The following RC3H2 variants were observed in gnomAD, a reference collection of about 807,000 sequenced individuals.
RC3H2 encodes ring finger and CCCH-type domains 2, also known as roquin-2.
In RC3H2, 31 loss-of-function variants were observed where a neutral mutation model predicts 133.3. The observed-to-expected ratio is 0.23, with a 90% CI of 0.17 to 0.31. The LOEUF (loss-of-function observed/expected upper bound fraction) is 0.31. Ranked by LOEUF, RC3H2 falls within the 10% of genes least tolerant of loss-of-function variation. RC3H2 has a pLI of 1.00. For synonymous variants in RC3H2, 517 were observed against 502.2 expected (o/e 1.03, Z -0.40); for missense variants, 1,175 against 1,437.2 (o/e 0.82, Z 2.95).
In RC3H2 at chr9:122,855,167, T is replaced by G. The variant is rs959636709; in HGVS notation, c.2815+17A>C. On this transcript the variant is annotated intron_variant, in intron 15 of 20. Transcript: ENST00000357244. ...TGCTTAGAACATATCAGGCTAGGTA[T>G]TATCTAAATGGATTACCTGATACAC... 7 of 1,576,470 alleles carry G rather than the reference T, an allele frequency of 4.4e-6. No individual in the cohort carries two copies. The highest frequency in any genetic ancestry group is 6.1e-6 in the Non-Finnish European group (7 of 1,146,588).
At chr9:122,875,358 G>A (rs1446332638) in intron 9 of RC3H2, 18 of 1,550,088 alleles carry the variant, frequency 1.2e-5, no homozygotes, top group Middle Eastern at 3.3e-4. Flanking sequence ...TATAGTCCAC[G>A]GGGGTTACAC....
At position 122,851,224 on chromosome 9, in the gene RC3H2, G is replaced by T. The variant is rs1253094139; in HGVS notation, c.3237C>A (p.Ile1079=). 6 of 1,613,868 alleles carry T rather than the reference G, an allele frequency of 3.7e-6. No individual in the cohort carries two copies. Among genetic ancestry groups the T allele is most frequent in the Non-Finnish European group, 5.1e-6 (6 of 1,179,840 alleles). ...AACTGATACCAAGCTGTATGTCCAAGATCTCCTAAGAAAATAAAATGTTAA... is the reference window on the plus strand; with the variant it reads ...AACTGATACCAAGCTGTATGTCCAATATCTCCTAAGAAAATAAAATGTTAA... ...PDGQSEPIEE[I]LDIQLGISSQ... Residue 1079 remains isoleucine (I), a synonymous_variant, in exon 20 of 21, where the codon ATC becomes ATA. Coordinates refer to ENST00000357244, the MANE Select transcript of RC3H2 (RefSeq NM_001100588.3).
intron 2 of RC3H2, among the ~76,000 whole-genome samples, chr9:122,895,263 G>C (rs1832370470): frequency 6.6e-6 from 1 of 151,344 alleles, no homozygotes; most frequent in Non-Finnish European, 1.5e-5. Context: ...GGGCTCAAGT[G>C]AACCTCCCAT....
chr9:122,851,009 A>G, intron 20 of RC3H2, 72 bp downstream of exon 20: 1 of 1,555,124 alleles, frequency 6.4e-7, no homozygotes, highest in Non-Finnish European at 8.8e-7. Context: ...AAAGCCAAAA[A>G]TTAATTTCGC....
chr9:122,866,810 C>T (rs1000001891), intron 9 of RC3H2, among the ~76,000 whole-genome samples: 1 of 152,196 alleles, frequency 6.6e-6, no homozygotes, highest in African/African-American at 2.4e-5. Context: ...AGATTGCAGC[C>T]TATGCCCGGC....
chr9:122,851,930 A>G (rs1324320053), intron 18 of RC3H2, among the ~76,000 whole-genome samples: 10 of 147,102 alleles, frequency 6.8e-5, no homozygotes, highest in South Asian at 2.2e-4. Context: ...CCGTCTGGGA[A>G]GTGAGGAGCG....
chr9:122,871,509 G>C lies in RC3H2; in HGVS notation c.1326-5852C>G, dbSNP rs867469110. ...AGACGGGGTTTCACCGTGTTAGTGGGGGGGGGGGTTTCATCGTGTTAGCCA... is the reference window on the plus strand; with the variant it reads ...AGACGGGGTTTCACCGTGTTAGTGGCGGGGGGGGTTTCATCGTGTTAGCCA... On this transcript the variant is annotated intron_variant, in intron 9 of 20. Coordinates refer to ENST00000357244, the MANE Select transcript of RC3H2 (RefSeq NM_001100588.3). 4.0e-5 allele frequency among the ~76,000 whole-genome samples: 6 copies of C among 151,202 alleles called. No homozygotes were observed. In the South Asian group the frequency reaches 6.3e-4, roughly 16 times the overall value.
chr9:122,880,527 T>C (rs949742236), intron 6 of RC3H2, 67 bp downstream of exon 6: 1 of 1,243,176 alleles, frequency 8.0e-7, no homozygotes, highest in Non-Finnish European at 1.2e-6. Context: ...ATAGACTCTT[T>C]AGAATATTCT....
intron 4 of RC3H2, among the ~76,000 whole-genome samples, chr9:122,884,996 G>A (rs892179393): frequency 6.6e-6 from 1 of 152,092 alleles, no homozygotes; most frequent in Non-Finnish European, 1.5e-5. Flanking sequence ...CGTATAGAAA[G>A]TGATCTTGAA....
chr9:122,877,387 T>C, intron 9 of RC3H2, 84 bp downstream of exon 9: 1 of 1,076,814 alleles, frequency 9.3e-7, no homozygotes, highest in South Asian at 1.4e-5. Context: ...TTTTTGAAAG[T>C]CATCACAAAC....
At chr9:122,854,361 GA>G in intron 16 of RC3H2, 95 bp from the exon 17 acceptor site, 1 of 1,263,016 alleles carries the variant, frequency 7.9e-7, no homozygotes, top group Non-Finnish European at 1.1e-6. Flanking sequence ...GATCAACCCT[GA>G]AAACTTCACT....
chr9:122,866,607 G>C (rs1252676602), intron 9 of RC3H2, among the ~76,000 whole-genome samples: 1 of 152,118 alleles, frequency 6.6e-6, no homozygotes, highest in African/African-American at 2.4e-5. Context: ...GGGTTTCACT[G>C]TGTTGGCTGG....
At chr9:122,865,214 A>C in intron 10 of RC3H2, 135 bp downstream of exon 10, 1 of 792,080 alleles carries the variant, frequency 1.3e-6, no homozygotes, top group Non-Finnish European at 1.9e-6. Context: ...TTTAGTATTT[A>C]GTGTTTCTTC....
chr9:122,866,411 G>A (rs925344553), intron 9 of RC3H2, among the ~76,000 whole-genome samples: 4 of 72,738 alleles, frequency 5.5e-5, no homozygotes, highest in Non-Finnish European at 7.8e-5. Context: ...CTCTCCCCAC[G>A]GTCTCCCTCT....
Position 122,879,673 on chromosome 9 carries a change from T to C in RC3H2, c.1212+82A>G. The C allele has an allele frequency of 4.3e-6, 4 of 932,996 alleles. No homozygotes were observed. In the South Asian group the frequency reaches 6.6e-5, roughly 15 times the overall value. 57.8% of individuals were successfully genotyped at this position (932,996 alleles called of 1,614,324 possible). ...CTTATGAGTCACATACGGAGTCCAA[T>C]TAACAAAACAGCTGGTTAAGATGTT... is the stretch of plus-strand genomic sequence containing the variant. On this transcript the variant is annotated intron_variant, in intron 8 of 20. Coordinates refer to ENST00000357244, the MANE Select transcript of RC3H2 (RefSeq NM_001100588.3).
intron 14 of RC3H2, 85 bp downstream of exon 14, chr9:122,855,647 A>C: frequency 2.1e-6 from 3 of 1,446,194 alleles, no homozygotes; most frequent in Non-Finnish European, 9.3e-7. Context: ...ATATGAATGA[A>C]TGAATAGAAA....
chr9:122,878,287 G>A lies in RC3H2; in HGVS notation c.1213-704C>T, dbSNP rs577918639. Among the ~76,000 whole-genome samples, 9 of 152,044 alleles carry A rather than the reference G, an allele frequency of 5.9e-5. No homozygotes were observed. The South Asian group carries it at 1.7e-3, about 28-fold the overall frequency. On this transcript the variant is annotated intron_variant, in intron 8 of 20. Coordinates refer to ENST00000357244, the MANE Select transcript of RC3H2 (RefSeq NM_001100588.3). ...TTTTATTTTTTATTTTTATCTTTGA[G>A]ACGGAGTCTTGCTCTGTTGCCCAGG... is the stretch of plus-strand genomic sequence containing the variant.
chr9:122,869,968 G>C (rs1010996191), intron 9 of RC3H2, among the ~76,000 whole-genome samples: 8 of 152,102 alleles, frequency 5.3e-5, no homozygotes, highest in Non-Finnish European at 1.0e-4. Flanking sequence ...TTGTCTGGAG[G>C]GGCCCAAAGA....
chr9:122,905,084 C>A, intron 1 of RC3H2, 26 bp downstream of exon 1: 1 of 985,224 alleles, frequency 1.0e-6, no homozygotes, highest in Non-Finnish European at 1.2e-6. Flanking sequence ...GGGGCCCGAG[C>A]CGCATCGTGC....
Sources: gnomAD v4.1 joint callset for allele counts (sites outside exome capture counted in the v4.1 genomes callset) on GRCh38, gnomAD v4.1.1 for gene constraint, MANE v1.5 for transcripts, NCBI Gene and HGNC (gene_info 2026-07-23, HGNC 2026-07-21) for gene names.